GRID2: variants seen among roughly 807,000 people sequenced by gnomAD.
The protein encoded by GRID2 is glutamate receptor ionotropic, delta-2.
A neutral mutation model predicts 114.8 loss-of-function variants in GRID2; 33 were observed. That is an observed-to-expected ratio of 0.29 (90% CI 0.22 to 0.38). The LOEUF is 0.38. Among genes scored for constraint, GRID2 ranks in the 10% least tolerant of loss-of-function variants. The probability of loss-of-function intolerance (pLI) is 1.00; values close to 1 mark genes in which losing one functional copy is unlikely to be tolerated. For synonymous variants in GRID2, 505 were observed against 449.9 expected (o/e 1.12, Z -1.55); for missense variants, 1,184 against 1,257.7 (o/e 0.94, Z 0.89).
intron 1 of GRID2, among the ~76,000 whole-genome samples, chr4:92,529,297 C>CA (rs1725212472): frequency 6.6e-6 from 1 of 151,930 alleles, no homozygotes; most frequent in African/African-American, 2.4e-5. Flanking sequence ...GAGAGAATGA[C>CA]AAACGTGTAT....
rs990712005 is a variant in GRID2, at chr4:93,482,040, A to G, written c.1859-8599A>G. Among the ~76,000 whole-genome samples, 5 of 152,094 alleles carry G rather than the reference A, an allele frequency of 3.3e-5. No individual in the cohort carries two copies. The East Asian group carries it at 7.7e-4, about 24-fold the overall frequency. On this transcript the variant is annotated intron_variant, in intron 11 of 15. Coordinates refer to ENST00000282020, the MANE Select transcript of GRID2 (RefSeq NM_001510.4). Reference sequence around the variant, plus strand: ...GCATTCAATAGAAAATAACTATAAAATACATTTAATGTAAATGAAACATTG... The same window carrying G: ...GCATTCAATAGAAAATAACTATAAAGTACATTTAATGTAAATGAAACATTG...
intron 2 of GRID2, among the ~76,000 whole-genome samples, chr4:92,971,091 C>G (rs1164248682): frequency 6.6e-6 from 1 of 151,722 alleles, no homozygotes. Flanking sequence ...TCGCTTTGGC[C>G]CCTCAAAATG....
At chr4:93,577,544 A>G (rs1736542441) in intron 13 of GRID2, among the ~76,000 whole-genome samples, 1 of 152,166 alleles carries the variant, frequency 6.6e-6, no homozygotes, top group South Asian at 2.1e-4. Flanking sequence ...TCTATCAGTA[A>G]ATGTTTGCCA....
chr4:92,908,423 C>A (rs189568665), intron 2 of GRID2, among the ~76,000 whole-genome samples: 40 of 151,888 alleles, frequency 2.6e-4, no homozygotes, highest in Admixed American at 2.0e-3. Context: ...CACTGAAAAG[C>A]AAGATAGAGC....
chr4:92,799,991 G>T (rs1248202104), intron 2 of GRID2, among the ~76,000 whole-genome samples: 1 of 151,862 alleles, frequency 6.6e-6, no homozygotes, highest in Admixed American at 6.6e-5. Context: ...GTAAATATTT[G>T]TTGAATGAGT....
chr4:93,584,719 G>T (rs1232910617), intron 13 of GRID2, among the ~76,000 whole-genome samples: 1 of 152,092 alleles, frequency 6.6e-6, no homozygotes, highest in Admixed American at 6.6e-5. Flanking sequence ...CATTCCTAAA[G>T]AACTGAGGGT....
intron 2 of GRID2, among the ~76,000 whole-genome samples, chr4:93,004,050 T>C (rs1171779178): frequency 1.3e-5 from 2 of 151,904 alleles, no homozygotes; most frequent in African/African-American, 4.8e-5. Flanking sequence ...TGCTTGATTA[T>C]GGGATGCTGC....
chr4:93,058,305 C>T (rs1329410497), intron 2 of GRID2, among the ~76,000 whole-genome samples: 1 of 151,962 alleles, frequency 6.6e-6, no homozygotes, highest in Non-Finnish European at 1.5e-5. Context: ...GAATAAATTA[C>T]TAGGGGTCAT....
At chr4:93,426,374 G>A (rs1231719038) in intron 10 of GRID2, among the ~76,000 whole-genome samples, 2 of 152,042 alleles carry the variant, frequency 1.3e-5, no homozygotes. Flanking sequence ...ACCCAGATTA[G>A]CAATTACGTT....
chr4:92,828,564 T>C (rs894035172), intron 2 of GRID2, among the ~76,000 whole-genome samples: 1 of 152,098 alleles, frequency 6.6e-6, no homozygotes, highest in African/African-American at 2.4e-5. Flanking sequence ...TATTGCTTTA[T>C]AGCCCTGAAG....
At chr4:92,533,987 ATATT>A (rs1042190197) in intron 1 of GRID2, among the ~76,000 whole-genome samples, 1 of 152,074 alleles carries the variant, frequency 6.6e-6, no homozygotes, top group African/African-American at 2.4e-5. Flanking sequence ...AAATTGATAT[ATATT>A]TAGAAGAAAA....
chr4:92,305,764 A>T (rs1157652153), intron 1 of GRID2, among the ~76,000 whole-genome samples: 1 of 152,062 alleles, frequency 6.6e-6, no homozygotes, highest in Non-Finnish European at 1.5e-5. Flanking sequence ...AACTCTACTC[A>T]CTTGCTAATC....
intron 2 of GRID2, among the ~76,000 whole-genome samples, chr4:92,957,900 T>C (rs556679811): frequency 1.3e-5 from 2 of 152,146 alleles, no homozygotes; most frequent in African/African-American, 4.8e-5. Flanking sequence ...AATATTTCCT[T>C]TTGGGGATGC....
At chr4:93,187,298 A>T (rs1740519255) in intron 4 of GRID2, among the ~76,000 whole-genome samples, 1 of 151,556 alleles carries the variant, frequency 6.6e-6, no homozygotes. Flanking sequence ...CTTTTTTGAG[A>T]TGGAGTCTCA....
At chr4:92,454,101 G>C (rs1721085193) in intron 1 of GRID2, among the ~76,000 whole-genome samples, 1 of 148,574 alleles carries the variant, frequency 6.7e-6, no homozygotes, top group African/African-American at 2.4e-5. Flanking sequence ...TACTTTTTTA[G>C]AGAAATATAA....
chr4:92,315,992 G>GCAAAAAAAAAAAAAAAAAAAAAAAA (rs1579166924), intron 1 of GRID2, among the ~76,000 whole-genome samples: 2 of 31,334 alleles, frequency 6.4e-5, no homozygotes, highest in Non-Finnish European at 1.1e-4. Flanking sequence ...AAAACAAAAA[G>GCAAAAAAAAAAAAAAAAAAAAAAAA]CAAAAAAAAA....
At chr4:92,823,424 T>C (rs1383684037) in intron 2 of GRID2, among the ~76,000 whole-genome samples, 5 of 152,176 alleles carry the variant, frequency 3.3e-5, no homozygotes, top group African/African-American at 9.6e-5. Context: ...TAATAACTTA[T>C]TGAATCCGTA....
At chr4:92,642,980 A>G (rs1419674647) in intron 2 of GRID2, among the ~76,000 whole-genome samples, 1 of 151,784 alleles carries the variant, frequency 6.6e-6, no homozygotes, top group Non-Finnish European at 1.5e-5. Flanking sequence ...TACCAATACC[A>G]TGCTATTTGG....
At chr4:92,539,074 T>C (rs911136499) in intron 1 of GRID2, among the ~76,000 whole-genome samples, 2 of 150,078 alleles carry the variant, frequency 1.3e-5, no homozygotes, top group Non-Finnish European at 3.0e-5. Flanking sequence ...TAATAGGAGA[T>C]GAATTTTGAG....
Sources: gnomAD v4.1 joint callset for allele counts (sites outside exome capture counted in the v4.1 genomes callset) on GRCh38, gnomAD v4.1.1 for gene constraint, MANE v1.5 for transcripts, NCBI Gene and HGNC (gene_info 2026-07-23, HGNC 2026-07-21) for gene names.